The following UGT1A8 variants were observed in gnomAD, a reference collection of about 807,000 sequenced individuals.
The protein encoded by UGT1A8 is UDP glucuronosyltransferase family 1 member A8, also known as UDP-glucuronosyltransferase 1A8.
UGT1A8 carries 39 observed loss-of-function variants against 45.3 expected under a neutral mutation model. That is an observed-to-expected ratio of 0.86 (90% CI 0.67 to 1.12). The LOEUF is 1.12. Ranked by LOEUF, UGT1A8 falls within the 50% of genes most tolerant of loss-of-function variation. UGT1A8 has a pLI of 0.00. For synonymous variants in UGT1A8, 275 were observed against 249.2 expected (o/e 1.10, Z -0.97); for missense variants, 719 against 664.9 (o/e 1.08, Z -0.90).
At chr2:233,747,731 G>A in intron 1 of UGT1A8, 1 of 1,612,808 alleles carries the variant, frequency 6.2e-7, no homozygotes, top group South Asian at 1.1e-5. Flanking sequence ...TGTTTTTTTT[G>A]AGGAACATTC....
At chr2:233,633,897 T>A (rs2073233556) in intron 1 of UGT1A8, among the ~76,000 whole-genome samples, 1 of 152,210 alleles carries the variant, frequency 6.6e-6, no homozygotes, top group African/African-American at 2.4e-5. Flanking sequence ...TTAATTGTGA[T>A]GTTATGGTTT....
rs61764030 is a variant in UGT1A8, at chr2:233,729,599, C to T, written c.856-37435C>T. ...TTAACAGACCCCGTTAACCTCTGCG[C>T]GGCAGTGCTGGCTAAGTACCTGTCG... On this transcript the variant is annotated intron_variant, in intron 1 of 4. Coordinates refer to ENST00000373450, the MANE Select transcript of UGT1A8 (RefSeq NM_019076.5). The T allele has an allele frequency of 2.7e-3, 4,298 of 1,614,002 alleles. 9 individuals carry two copies. Among genetic ancestry groups the T allele is most frequent in the Admixed American group, 4.7e-3 (282 of 60,020 alleles).
At chr2:233,634,343 A>G (rs1003316073) in intron 1 of UGT1A8, among the ~76,000 whole-genome samples, 4 of 152,318 alleles carry the variant, frequency 2.6e-5, no homozygotes, top group Non-Finnish European at 4.4e-5. Context: ...TCCAGAACTG[A>G]GTTCAAGTCC....
Position 233,724,752 on chromosome 2 carries a change from C to T in UGT1A8, c.856-42282C>T, listed in dbSNP as rs545669110. On this transcript the variant is annotated intron_variant, in intron 1 of 4. Coordinates refer to ENST00000373450, the MANE Select transcript of UGT1A8 (RefSeq NM_019076.5). The stretch of plus-strand genomic sequence containing the variant: ...GCAGAGGGGCTCCTCACATCCCAGA[C>T]GATGGGCGGCCAGGCAGAGACACTC... 4.9e-4 allele frequency among the ~76,000 whole-genome samples: 69 copies of T among 142,122 alleles called. 9 individuals carry two copies. In the East Asian group the frequency reaches 0.011, roughly 22 times the overall value. The allele number at this position is 142,122 out of a possible 152,430, so 93.2% of individuals were successfully genotyped here. A position where few individuals can be genotyped will look rare whatever the true frequency, so the allele number is the denominator to read the frequency against.
intron 1 of UGT1A8, among the ~76,000 whole-genome samples, chr2:233,631,030 C>T (rs1384506211): frequency 6.6e-6 from 1 of 152,018 alleles, no homozygotes; most frequent in African/African-American, 2.4e-5. Flanking sequence ...GTTCCCCTCC[C>T]TGTGTCCATG....
chr2:233,719,552 A>G (rs2076779891), intron 1 of UGT1A8: 8 of 1,613,748 alleles, frequency 5.0e-6, no homozygotes, highest in South Asian at 4.4e-5. Context: ...GAGAGGTGTC[A>G]GTGGTGGATC....
At chr2:233,639,036 A>C (rs2125461478) in intron 1 of UGT1A8, among the ~76,000 whole-genome samples, 1 of 152,328 alleles carries the variant, frequency 6.6e-6, no homozygotes, top group African/African-American at 2.4e-5. Flanking sequence ...AGGATCTGCC[A>C]CTTCCTGAAC....
intron 1 of UGT1A8, among the ~76,000 whole-genome samples, chr2:233,654,708 T>C (rs2073816930): frequency 6.6e-6 from 1 of 152,250 alleles, no homozygotes; most frequent in Non-Finnish European, 1.5e-5. Flanking sequence ...GCACCCATGC[T>C]GAGGTGGTTA....
At chr2:233,693,939 G>A in intron 1 of UGT1A8, 1 of 1,604,432 alleles carries the variant, frequency 6.2e-7, no homozygotes, top group Admixed American at 1.7e-5. Flanking sequence ...TTGGCTCCTT[G>A]AGCCGACTGT....
intron 1 of UGT1A8, among the ~76,000 whole-genome samples, chr2:233,753,945 C>T (rs1389059765): frequency 1.3e-5 from 2 of 152,168 alleles, no homozygotes; most frequent in Non-Finnish European, 2.9e-5. Context: ...AAATGTATGA[C>T]CTCCAAAATA....
intron 1 of UGT1A8, chr2:233,760,455 A>T (rs2125984333): frequency 6.2e-7 from 1 of 1,614,200 alleles, no homozygotes; most frequent in Non-Finnish European, 8.5e-7. Context: ...GGGGACATGA[A>T]ATAGTTGTCC....
intron 1 of UGT1A8, among the ~76,000 whole-genome samples, chr2:233,663,279 G>A (rs756227773): frequency 2.6e-5 from 4 of 152,194 alleles, no homozygotes; most frequent in Non-Finnish European, 4.4e-5. Flanking sequence ...GTAGACCGGA[G>A]TTTTATTATT....
At chr2:233,734,121 T>TAAA (rs1021409062) in intron 1 of UGT1A8, among the ~76,000 whole-genome samples, 6 of 151,862 alleles carry the variant, frequency 4.0e-5, no homozygotes, top group African/African-American at 1.5e-4. Context: ...ATAATAATAA[T>TAAA]AAAAAGAATT....
rs897493139 is a variant in UGT1A8, at chr2:233,718,976, T to C, written c.856-48058T>C. ...TGCGGGAGGCCTTGCGGGAGCTCCATGCCAGAGGCCACCAGGCGGTGGTCC... is the reference window on the plus strand; with the variant it reads ...TGCGGGAGGCCTTGCGGGAGCTCCACGCCAGAGGCCACCAGGCGGTGGTCC... On this transcript the variant is annotated intron_variant, in intron 1 of 4. Coordinates refer to ENST00000373450, the MANE Select transcript of UGT1A8 (RefSeq NM_019076.5). 8 of 1,614,114 alleles carry C rather than the reference T, an allele frequency of 5.0e-6. No individual in the cohort carries two copies. In the Admixed American group the frequency reaches 1.3e-4, roughly 27 times the overall value.
intron 1 of UGT1A8, among the ~76,000 whole-genome samples, chr2:233,669,747 G>A (rs1262377920): frequency 1.3e-5 from 2 of 152,228 alleles, no homozygotes; most frequent in East Asian, 3.9e-4. Context: ...ATAATGGCGT[G>A]ATCTCAGCTC....
intron 1 of UGT1A8, among the ~76,000 whole-genome samples, chr2:233,628,926 A>T (rs1440642316): frequency 6.6e-6 from 1 of 152,102 alleles, no homozygotes; most frequent in Non-Finnish European, 1.5e-5. Flanking sequence ...TAATTGATTT[A>T]TAAAATTATT....
At chr2:233,736,121 A>G (rs1050675156) in intron 1 of UGT1A8, among the ~76,000 whole-genome samples, 2 of 152,066 alleles carry the variant, frequency 1.3e-5, no homozygotes, top group African/African-American at 4.8e-5. Context: ...ACTTGTTTCC[A>G]TTCTCCGCAT....
intron 1 of UGT1A8, among the ~76,000 whole-genome samples, chr2:233,624,450 T>C (rs1038485253): frequency 6.6e-6 from 1 of 152,152 alleles, no homozygotes; most frequent in Admixed American, 6.6e-5. Context: ...TTTTCTTGCA[T>C]GTGAATATTC....
intron 1 of UGT1A8, chr2:233,637,098 T>G: frequency 3.7e-6 from 6 of 1,613,926 alleles, no homozygotes; most frequent in Non-Finnish European, 5.1e-6. Flanking sequence ...ATGTCCCCAA[T>G]GATCTCTTAG....
Sources: gnomAD v4.1 joint callset for allele counts (sites outside exome capture counted in the v4.1 genomes callset) on GRCh38, gnomAD v4.1.1 for gene constraint, MANE v1.5 for transcripts, NCBI Gene and HGNC (gene_info 2026-07-23, HGNC 2026-07-21) for gene names.